The following KCNIP4 variants were observed in gnomAD, a reference collection of about 807,000 sequenced individuals.
KCNIP4 encodes the protein potassium voltage-gated channel interacting protein 4.
Under a neutral mutation model 34.0 loss-of-function variants are expected in KCNIP4, and 12 were observed. The observed-to-expected ratio is 0.35, with a 90% CI of 0.23 to 0.57. KCNIP4 has a LOEUF of 0.57. KCNIP4 is among the 20% of genes least tolerant of loss of function. The probability of loss-of-function intolerance (pLI) is 0.83; values close to 1 mark genes in which losing one functional copy is unlikely to be tolerated. For synonymous variants in KCNIP4, 124 were observed against 102.2 expected (o/e 1.21, Z -1.29); for missense variants, 238 against 311.7 (o/e 0.76, Z 1.78).
chr4:21,570,882 T>C (rs568161336), intron 1 of KCNIP4, among the ~76,000 whole-genome samples: 2 of 152,250 alleles, frequency 1.3e-5, no homozygotes, highest in South Asian at 2.1e-4. Flanking sequence ...TTCCCTATTT[T>C]ATATGGGAAG....
chr4:20,997,285 C>T (rs1737644528), intron 1 of KCNIP4, among the ~76,000 whole-genome samples: 1 of 152,074 alleles, frequency 6.6e-6, no homozygotes, highest in Admixed American at 6.5e-5. Context: ...TGGTCTATAC[C>T]AGATGTCCTA....
chr4:20,906,952 T>C (rs1200254593), intron 1 of KCNIP4, among the ~76,000 whole-genome samples: 2 of 152,222 alleles, frequency 1.3e-5, no homozygotes, highest in Non-Finnish European at 2.9e-5. Context: ...AGTTAAGTTT[T>C]AGAAACTCCA....
chr4:20,729,277 CTTGTT>C lies in KCNIP4; in HGVS notation c.*800_*804del, dbSNP rs979004498. 3 of 152,322 alleles carry C rather than the reference CTTGTT, an allele frequency of 2.0e-5. No individual in the cohort carries two copies. The highest frequency in any genetic ancestry group is 7.2e-5 in the African/African-American group (3 of 41,414). The allele number at this position is 152,322 out of a possible 1,614,324, so 9.4% of individuals were successfully genotyped here. A position where few individuals can be genotyped will look rare whatever the true frequency, so the allele number is the denominator to read the frequency against. On this transcript the variant is annotated 3_prime_UTR_variant, in exon 9 of 9. Transcript: ENST00000382152. ...CCCTTTGCATATGTCTGTAAACATC[CTTGTT>C]TTGTTTGATGCCTTCTTCAACTTCC...
rs572953381 is a variant in KCNIP4 at position 21,741,141 on chromosome 4, G to A, written c.61+207430C>T. Among the ~76,000 whole-genome samples the A allele has an allele frequency of 2.0e-5, 3 of 152,130 alleles. No individual in the cohort carries two copies. In the South Asian group the frequency reaches 6.2e-4, roughly 32 times the overall value. On this transcript the variant is annotated intron_variant, in intron 1 of 8. Coordinates refer to ENST00000382152, the MANE Select transcript of KCNIP4 (RefSeq NM_025221.6). ...ATAAGAGGCACCATTTTGTAATGCT[G>A]GCTTATAGCATTTCCAAACCCAATT...
chr4:21,454,902 C>A lies in KCNIP4; in HGVS notation c.61+493669G>T, dbSNP rs913247279. On this transcript the variant is annotated intron_variant, in intron 1 of 8. Coordinates refer to ENST00000382152, the MANE Select transcript of KCNIP4 (RefSeq NM_025221.6). ...GGTAGGAATCCAAGAAATATTTGGA[C>A]AATCCTCGAGTAGGGCAGTGACCAG... Among the ~76,000 whole-genome samples the A allele has an allele frequency of 2.0e-5, 3 of 152,004 alleles. No individual in the cohort carries two copies. The East Asian group carries it at 5.8e-4, about 29-fold the overall frequency.
At chr4:21,028,133 C>T (rs1740705782) in intron 1 of KCNIP4, among the ~76,000 whole-genome samples, 1 of 152,116 alleles carries the variant, frequency 6.6e-6, no homozygotes, top group African/African-American at 2.4e-5. Flanking sequence ...TTGCCTCTAC[C>T]TTCAGAACAT....
chr4:20,748,007 A>G (rs1425637097), intron 5 of KCNIP4, among the ~76,000 whole-genome samples: 3 of 152,064 alleles, frequency 2.0e-5, no homozygotes, highest in Non-Finnish European at 4.4e-5. Flanking sequence ...TTCACCTCCA[A>G]TACCTTTACT....
intron 4 of KCNIP4, among the ~76,000 whole-genome samples, chr4:20,750,007 C>A (rs1196288902): frequency 6.6e-6 from 1 of 152,108 alleles, no homozygotes; most frequent in Non-Finnish European, 1.5e-5. Context: ...AACACTGGGA[C>A]AAGAAATGGT....
chr4:21,832,301 C>T (rs566359182), intron 1 of KCNIP4, among the ~76,000 whole-genome samples: 1 of 152,248 alleles, frequency 6.6e-6, no homozygotes, highest in African/African-American at 2.4e-5. Context: ...GAGAGCTTAT[C>T]CTTTAGAAAC....
At chr4:21,255,018 T>A (rs1760969550) in intron 1 of KCNIP4, among the ~76,000 whole-genome samples, 1 of 152,206 alleles carries the variant, frequency 6.6e-6, no homozygotes, top group Non-Finnish European at 1.5e-5. Context: ...GCTATTTGAC[T>A]TCAGGTAAAG....
intron 1 of KCNIP4, among the ~76,000 whole-genome samples, chr4:21,562,182 T>A (rs770594631): frequency 6.6e-6 from 1 of 151,038 alleles, no homozygotes; most frequent in Non-Finnish European, 1.5e-5. Flanking sequence ...TATGAAAGAG[T>A]CATTTTTGAA....
At chr4:21,382,184 C>T (rs527338005) in intron 1 of KCNIP4, among the ~76,000 whole-genome samples, 2 of 152,186 alleles carry the variant, frequency 1.3e-5, no homozygotes, top group African/African-American at 4.8e-5. Flanking sequence ...ACAGAGAAAA[C>T]TCTGCCATGG....
intron 1 of KCNIP4, among the ~76,000 whole-genome samples, chr4:21,909,366 T>A (rs1728173020): frequency 6.6e-6 from 1 of 152,050 alleles, no homozygotes; most frequent in South Asian, 2.1e-4. Flanking sequence ...TTCTCCCACA[T>A]CTTTACTTAA....
intron 1 of KCNIP4, among the ~76,000 whole-genome samples, chr4:21,383,580 G>A (rs1721738070): frequency 6.6e-6 from 1 of 151,836 alleles, no homozygotes; most frequent in Non-Finnish European, 1.5e-5. Context: ...CATAAGACAG[G>A]ATGACAGTGT....
chr4:20,790,139 C>T (rs558152147), intron 3 of KCNIP4, among the ~76,000 whole-genome samples: 1 of 152,212 alleles, frequency 6.6e-6, no homozygotes, highest in Non-Finnish European at 1.5e-5. Context: ...GTAACTGTAA[C>T]TGAACACTAT....
chr4:21,318,921 ACT>A (rs1714081468), intron 1 of KCNIP4, among the ~76,000 whole-genome samples: 1 of 152,048 alleles, frequency 6.6e-6, no homozygotes, highest in Non-Finnish European at 1.5e-5. Context: ...TGTGAAAAAA[ACT>A]CAACATAATC....
intron 3 of KCNIP4, among the ~76,000 whole-genome samples, chr4:20,818,673 T>C (rs1716727814): frequency 6.6e-6 from 1 of 152,102 alleles, no homozygotes; most frequent in Non-Finnish European, 1.5e-5. Flanking sequence ...TCCACTAGCT[T>C]TTCTGCAAAT....
chr4:21,197,257 C>CT (rs1219394863), intron 1 of KCNIP4, among the ~76,000 whole-genome samples: 2 of 152,060 alleles, frequency 1.3e-5, no homozygotes, highest in African/African-American at 2.4e-5. Context: ...GCACTATTTT[C>CT]TTTTGGGTAT....
chr4:21,440,471 C>T (rs1450542000), intron 1 of KCNIP4, among the ~76,000 whole-genome samples: 2 of 152,144 alleles, frequency 1.3e-5, no homozygotes, highest in African/African-American at 2.4e-5. Context: ...ATTTTATTTG[C>T]CCTATTCTCT....
Sources: allele counts gnomAD v4.1 joint callset (sites outside exome capture counted in the v4.1 genomes callset), GRCh38; gene constraint gnomAD v4.1.1; transcripts MANE v1.5; gene names NCBI Gene and HGNC (gene_info 2026-07-23, HGNC 2026-07-21).